PAN3: variants seen among roughly 807,000 people sequenced by gnomAD.
PAN3 encodes PAN2-PAN3 deadenylation complex subunit PAN3.
A neutral mutation model predicts 96.2 loss-of-function variants in PAN3; 19 were observed. That is an observed-to-expected ratio of 0.20 (90% CI 0.14 to 0.29). The LOEUF is 0.29. Ranked by LOEUF, PAN3 falls within the 10% of genes least tolerant of loss-of-function variation. The probability of loss-of-function intolerance (pLI) is 1.00; values close to 1 mark genes in which losing one functional copy is unlikely to be tolerated. For synonymous variants in PAN3, 433 were observed against 406.6 expected (o/e 1.06, Z -0.78); for missense variants, 882 against 1,108.1 (o/e 0.80, Z 2.90).
At chr13:28,170,211 A>G (rs2138077563) in intron 1 of PAN3, among the ~76,000 whole-genome samples, 1 of 152,292 alleles carries the variant, frequency 6.6e-6, no homozygotes, top group African/African-American at 2.4e-5. Context: ...TCTGAAAGGA[A>G]TATATATACC....
chr13:28,250,821 A>C (rs1262464035), intron 6 of PAN3, among the ~76,000 whole-genome samples: 1 of 152,162 alleles, frequency 6.6e-6, no homozygotes, highest in Non-Finnish European at 1.5e-5. Context: ...AGAACTCTTA[A>C]CTTAGAACTT....
chr13:28,259,897 C>G (rs1885551940), intron 7 of PAN3, among the ~76,000 whole-genome samples: 1 of 152,038 alleles, frequency 6.6e-6, no homozygotes, highest in South Asian at 2.1e-4. Context: ...CTCAGCCTCC[C>G]AGAGTGCTGG....
chr13:28,189,404 T>G (rs952133378), intron 4 of PAN3, among the ~76,000 whole-genome samples: 3 of 152,024 alleles, frequency 2.0e-5, no homozygotes, highest in Non-Finnish European at 4.4e-5. Flanking sequence ...TAATCCCAGC[T>G]ACTTGGGTGG....
chr13:28,161,753 A>C (rs1474325488), intron 1 of PAN3, among the ~76,000 whole-genome samples: 1 of 152,212 alleles, frequency 6.6e-6, no homozygotes, highest in Non-Finnish European at 1.5e-5. Flanking sequence ...GGCAGGAAGC[A>C]CAGTGTTTAT....
chr13:28,279,804 G>A (rs1373359843), intron 15 of PAN3, among the ~76,000 whole-genome samples: 5 of 151,524 alleles, frequency 3.3e-5, no homozygotes, highest in African/African-American at 4.9e-5. Context: ...TTTTTTGTTT[G>A]TTTCCTTTTT....
At chr13:28,289,443 A>G (rs550958983) in intron 18 of PAN3, among the ~76,000 whole-genome samples, 52 of 152,162 alleles carry the variant, frequency 3.4e-4, no homozygotes, top group Admixed American at 9.8e-4. Context: ...ACACCCAGCT[A>G]ATTTTTGTCC....
chr13:28,142,407 ATC>A (rs1869973065), intron 1 of PAN3, among the ~76,000 whole-genome samples: 1 of 151,966 alleles, frequency 6.6e-6, no homozygotes, highest in African/African-American at 2.4e-5. Context: ...GGCTCTAGCA[ATC>A]TCCTGCCTTG....
At chr13:28,169,819 C>T (rs1201832544) in intron 1 of PAN3, among the ~76,000 whole-genome samples, 1 of 151,742 alleles carries the variant, frequency 6.6e-6, no homozygotes, top group Non-Finnish European at 1.5e-5. Context: ...GAGGCTGAGG[C>T]GGGTGGATCA....
chr13:28,162,797 A>AT (rs1299019412), intron 1 of PAN3, among the ~76,000 whole-genome samples: 1 of 151,596 alleles, frequency 6.6e-6, no homozygotes, highest in African/African-American at 2.4e-5. Flanking sequence ...TGAGCTGATT[A>AT]TGCCACTGCA....
chr13:28,242,085 C>G (rs1464075626), intron 6 of PAN3, among the ~76,000 whole-genome samples: 1 of 152,188 alleles, frequency 6.6e-6, no homozygotes, highest in Non-Finnish European at 1.5e-5. Flanking sequence ...AGTAATGAGA[C>G]TTTGTCAGAA....
At chr13:28,257,700 T>TATATATATTATATATAATAAATATATATA (rs1885269940) in intron 7 of PAN3, among the ~76,000 whole-genome samples, 2 of 137,658 alleles carry the variant, frequency 1.5e-5, no homozygotes, top group Admixed American at 1.5e-4. Flanking sequence ...AAATATATAT[T>TATATATATTATATATAATAAATATATATA]ATATATATTA....
In PAN3 at chr13:28,177,917, C is replaced by T. The variant is rs764942241; in HGVS notation, c.672C>T (p.Asn224=). ...SSLFNDFGAL[N]ISQRRKPRKY... ...TGTTTAATGACTTTGGTGCCCTCAA[C>T]ATCTCTCAGAGACGAAAGGTAGGTG... The change falls in exon 4 of 19, where the codon AAC becomes AAT. Residue 224 remains asparagine, a synonymous_variant. Coordinates refer to ENST00000380958, the MANE Select transcript of PAN3 (RefSeq NM_175854.8). 1.3e-5 allele frequency: 21 copies of T among 1,610,894 alleles called. No individual in the cohort carries two copies. The highest frequency in any genetic ancestry group is 1.8e-5 in the Non-Finnish European group (21 of 1,177,416).
intron 1 of PAN3, 121 bp from the exon 2 acceptor site, chr13:28,174,150 TG>T: frequency 9.6e-7 from 1 of 1,036,498 alleles, no homozygotes; most frequent in Non-Finnish European, 1.4e-6. Context: ...TGTTATGAAC[TG>T]GTAAATAAAA....
At chr13:28,259,506 A>G (rs913881210) in intron 7 of PAN3, among the ~76,000 whole-genome samples, 1 of 151,782 alleles carries the variant, frequency 6.6e-6, no homozygotes, top group African/African-American at 2.4e-5. Context: ...AGGTTTCACC[A>G]TGTTAGCCAG....
chr13:28,260,409 A>G (rs983635237), intron 7 of PAN3, 38 bp from the exon 8 acceptor site: 20 of 1,482,154 alleles, frequency 1.3e-5, no homozygotes, highest in Non-Finnish European at 1.8e-5. Flanking sequence ...AAGAAAGAAA[A>G]ATGAGTGATT....
intron 6 of PAN3, among the ~76,000 whole-genome samples, chr13:28,247,817 G>A (rs570192769): frequency 7.9e-5 from 12 of 152,158 alleles, no homozygotes; most frequent in South Asian, 4.1e-4. Flanking sequence ...ATACTGTTTC[G>A]GTTACTGTGA....
intron 1 of PAN3, among the ~76,000 whole-genome samples, chr13:28,145,428 A>G (rs9554276): frequency 0.29 from 44,330 of 151,642 alleles, 9,231 homozygotes; most frequent in African/African-American, 0.59. Flanking sequence ...GGGTTCAAGC[A>G]ATTCTCATGC....
chr13:28,240,573 A>G (rs1413131396), intron 6 of PAN3, among the ~76,000 whole-genome samples: 1 of 152,196 alleles, frequency 6.6e-6, no homozygotes, highest in African/African-American at 2.4e-5. Context: ...TCTTTGATTG[A>G]TTAGGCTAGA....
At chr13:28,157,833 C>T (rs1486798260) in intron 1 of PAN3, among the ~76,000 whole-genome samples, 2 of 152,166 alleles carry the variant, frequency 1.3e-5, no homozygotes, top group Non-Finnish European at 2.9e-5. Flanking sequence ...TGACACTCTT[C>T]ACAGAATTAG....
Sources: gnomAD v4.1 joint callset for allele counts (sites outside exome capture counted in the v4.1 genomes callset) on GRCh38, gnomAD v4.1.1 for gene constraint, MANE v1.5 for transcripts, NCBI Gene and HGNC (gene_info 2026-07-23, HGNC 2026-07-21) for gene names.